Variants in GABRB3 observed in about 807,000 individuals in gnomAD.
The protein encoded by GABRB3 is gamma-aminobutyric acid receptor subunit beta-3.
A neutral mutation model predicts 52.1 loss-of-function variants in GABRB3; 14 were observed. That is an observed-to-expected ratio of 0.27 (90% CI 0.18 to 0.42). GABRB3 has a LOEUF of 0.42. Among genes scored for constraint, GABRB3 ranks in the 10% least tolerant of loss-of-function variants. The probability of loss-of-function intolerance (pLI) is 1.00; values close to 1 mark genes in which losing one functional copy is unlikely to be tolerated. For synonymous variants in GABRB3, 260 were observed against 232.3 expected (o/e 1.12, Z -1.08); for missense variants, 307 against 609.1 (o/e 0.50, Z 5.22).
rs1268202361 is a variant in GABRB3 at position 26,671,178 on chromosome 15, T to C, written c.241-49644A>G. On this transcript the variant is annotated intron_variant, in intron 3 of 8. Coordinates refer to ENST00000311550, the MANE Select transcript of GABRB3 (RefSeq NM_000814.6). ...ATAAGGCCTTTTATTTCCAAAAATG[T>C]CCTCAGAACAGAAGCTGAATAACTG... Among the ~76,000 whole-genome samples, 10 of 152,342 alleles carry C rather than the reference T, an allele frequency of 6.6e-5. No individual in the cohort carries two copies. In the East Asian group the frequency reaches 1.7e-3, roughly 26 times the overall value.
chr15:26,570,046 T>C (rs1171728853), intron 6 of GABRB3, among the ~76,000 whole-genome samples: 1 of 152,230 alleles, frequency 6.6e-6, no homozygotes, highest in Non-Finnish European at 1.5e-5. Flanking sequence ...GTTGTAAACC[T>C]TGTAATGGCT....
intron 3 of GABRB3, among the ~76,000 whole-genome samples, chr15:26,672,791 T>G (rs1250187487): frequency 6.6e-6 from 1 of 152,130 alleles, no homozygotes; most frequent in Admixed American, 6.6e-5. Context: ...AGATGCGCAA[T>G]GTTTACAAGG....
chr15:26,723,033 A>G (rs1211661969), intron 3 of GABRB3, among the ~76,000 whole-genome samples: 1 of 152,192 alleles, frequency 6.6e-6, no homozygotes, highest in Non-Finnish European at 1.5e-5. Flanking sequence ...AGCTTCCAAA[A>G]TGTCACTCAA....
chr15:26,642,664 C>A (rs1042122776), intron 3 of GABRB3: 1 of 411,920 alleles, frequency 2.4e-6, no homozygotes, highest in Non-Finnish European at 5.0e-6. Flanking sequence ...TGTACCCCCC[C>A]GCACACACAC....
intron 3 of GABRB3, among the ~76,000 whole-genome samples, chr15:26,756,453 G>A (rs913574194): frequency 2.0e-5 from 3 of 151,486 alleles, no homozygotes; most frequent in East Asian, 3.9e-4. Flanking sequence ...TGGTGCACAC[G>A]TGTAGTCCCA....
intron 3 of GABRB3, among the ~76,000 whole-genome samples, chr15:26,670,160 C>T (rs1172723426): frequency 6.6e-6 from 1 of 152,224 alleles, no homozygotes; most frequent in Admixed American, 6.5e-5. Flanking sequence ...GCGGAGACCG[C>T]TACGCCCCAA....
Position 26,624,646 on chromosome 15 carries a change from A to G in GABRB3, c.241-3112T>C, listed in dbSNP as rs150133736. The stretch of plus-strand genomic sequence containing the variant: ...GTGGGTAAGAGCTTAGGTAACAGCA[A>G]GAGGGAAAAAACAGTATGAAAATCC... On this transcript the variant is annotated intron_variant, in intron 3 of 8. Transcript: ENST00000311550. 1.3e-5 allele frequency: 13 copies of G among 985,528 alleles called. No homozygotes were observed. The African/African-American group carries it at 2.1e-4, about 16-fold the overall frequency. 61.0% of individuals were successfully genotyped at this position (985,528 alleles called of 1,614,324 possible).
At chr15:26,754,140 T>C (rs1230054375) in intron 3 of GABRB3, among the ~76,000 whole-genome samples, 1 of 152,146 alleles carries the variant, frequency 6.6e-6, no homozygotes, top group African/African-American at 2.4e-5. Context: ...TTGAAACAGA[T>C]TTCTTTGCTG....
At chr15:26,679,101 T>C (rs1379689338) in intron 3 of GABRB3, among the ~76,000 whole-genome samples, 1 of 152,204 alleles carries the variant, frequency 6.6e-6, no homozygotes, top group Non-Finnish European at 1.5e-5. Context: ...GTCTATATCA[T>C]TGGCGATGAA....
chr15:26,620,948 A>G (rs73368356), intron 4 of GABRB3, among the ~76,000 whole-genome samples: 4,090 of 152,250 alleles, frequency 0.027, 202 homozygotes, highest in African/African-American at 0.092. Flanking sequence ...TCAACTGTGC[A>G]GACAGCTTTG....
intron 3 of GABRB3, among the ~76,000 whole-genome samples, chr15:26,682,885 A>G (rs368447063): frequency 8.3e-4 from 127 of 152,300 alleles, no homozygotes; most frequent in Middle Eastern, 6.8e-3. Context: ...CTGGGGACAC[A>G]GCCGGCCACT....
At chr15:26,647,797 C>T (rs1003630995) in intron 3 of GABRB3, among the ~76,000 whole-genome samples, 2 of 151,632 alleles carry the variant, frequency 1.3e-5, no homozygotes, top group Non-Finnish European at 1.5e-5. Context: ...GATCCCAGAG[C>T]GGGGCTGCCT....
intron 3 of GABRB3, among the ~76,000 whole-genome samples, chr15:26,738,285 G>A (rs1348190261): frequency 6.6e-6 from 1 of 151,992 alleles, no homozygotes; most frequent in Non-Finnish European, 1.5e-5. Context: ...GTTTCACAAT[G>A]TTGGCCAGGC....
chr15:26,554,019 A>ATTTT (rs1481800191), intron 8 of GABRB3, among the ~76,000 whole-genome samples: 1 of 62,740 alleles, frequency 1.6e-5, no homozygotes, highest in African/African-American at 9.2e-5. Flanking sequence ...ACACCTGACT[A>ATTTT]TTTATATATA....
At chr15:26,641,448 G>A (rs985480238) in intron 3 of GABRB3, among the ~76,000 whole-genome samples, 3 of 152,232 alleles carry the variant, frequency 2.0e-5, no homozygotes, top group Non-Finnish European at 4.4e-5. Flanking sequence ...TGAATTGACT[G>A]GCATAGCTGA....
chr15:26,757,667 A>T (rs888848899), intron 3 of GABRB3, among the ~76,000 whole-genome samples: 1 of 152,230 alleles, frequency 6.6e-6, no homozygotes, highest in Admixed American at 6.5e-5. Context: ...TGAACTAAAA[A>T]TCAAGTCATA....
intron 4 of GABRB3, among the ~76,000 whole-genome samples, chr15:26,589,551 A>C (rs1414549384): frequency 6.6e-6 from 1 of 152,238 alleles, no homozygotes; most frequent in African/African-American, 2.4e-5. Flanking sequence ...CTGTATGCCA[A>C]GGTCCTGGAC....
At chr15:26,597,062 A>ATAATCCATTAATCTATAAATGGAT (rs1891419366) in intron 4 of GABRB3, among the ~76,000 whole-genome samples, 3 of 152,100 alleles carry the variant, frequency 2.0e-5, no homozygotes, top group Admixed American at 2.0e-4. Flanking sequence ...ATGAATACCC[A>ATAATCCATTAATCTATAAATGGAT]TAATCCATTA....
intron 4 of GABRB3, among the ~76,000 whole-genome samples, chr15:26,591,551 T>C (rs1295920115): frequency 2.6e-5 from 4 of 152,082 alleles, no homozygotes; most frequent in African/African-American, 9.7e-5. Flanking sequence ...AAACTGGCAA[T>C]AGTGCTCAAG....
Sources: gnomAD v4.1 joint callset for allele counts (sites outside exome capture counted in the v4.1 genomes callset) on GRCh38, gnomAD v4.1.1 for gene constraint, MANE v1.5 for transcripts, NCBI Gene and HGNC (gene_info 2026-07-23, HGNC 2026-07-21) for gene names.